The following DGKB variants were observed in gnomAD, a reference collection of about 807,000 sequenced individuals.
The protein encoded by DGKB is diacylglycerol kinase beta.
DGKB carries 67 observed loss-of-function variants against 114.3 expected under a neutral mutation model. The ratio of observed to expected loss-of-function variants is 0.59; its 90% CI spans 0.48 to 0.72. DGKB has a LOEUF of 0.72. Among genes scored for constraint, DGKB ranks in the 30% least tolerant of loss-of-function variants. DGKB has a pLI of 0.00. For synonymous variants in DGKB, 398 were observed against 323.1 expected, an observed-to-expected ratio of 1.23 and a Z score of -2.49; for missense variants, 907 against 975.2, an observed-to-expected ratio of 0.93 and a Z score of 0.93.
intron 20 of DGKB, among the ~76,000 whole-genome samples, chr7:14,506,154 T>C (rs17168232): frequency 0.033 from 5,052 of 152,214 alleles, 114 homozygotes; most frequent in Middle Eastern, 0.065. Context: ...TAACCACTCT[T>C]CCTGGTAACT....
intron 13 of DGKB, among the ~76,000 whole-genome samples, chr7:14,645,887 G>A (rs902666369): frequency 6.6e-6 from 1 of 152,080 alleles, no homozygotes; most frequent in African/African-American, 2.4e-5. Flanking sequence ...GATAACAAAT[G>A]AGAAAGACAA....
chr7:14,516,443 T>C (rs568436732), intron 20 of DGKB, among the ~76,000 whole-genome samples: 1 of 152,260 alleles, frequency 6.6e-6, no homozygotes, highest in South Asian at 2.1e-4. Context: ...TGGAATTAAG[T>C]TGAAGATCTG....
intron 25 of DGKB, among the ~76,000 whole-genome samples, chr7:14,174,818 C>T (rs1218279926): frequency 6.6e-6 from 1 of 152,118 alleles, no homozygotes; most frequent in Non-Finnish European, 1.5e-5. Context: ...TTAAAAACAA[C>T]ATTTTTAACA....
chr7:14,700,471 A>T (rs184764595), intron 7 of DGKB, among the ~76,000 whole-genome samples: 1 of 152,140 alleles, frequency 6.6e-6, no homozygotes, highest in Admixed American at 6.5e-5. Context: ...CCGTCTTGGC[A>T]TCCCAAAATG....
chr7:14,209,332 G>A, intron 23 of DGKB: 1 of 341,830 alleles, frequency 2.9e-6, no homozygotes, highest in South Asian at 2.3e-5. Context: ...TTTTCATAGA[G>A]AGATATATAC....
chr7:14,551,228 G>A (rs1584755546), intron 20 of DGKB, among the ~76,000 whole-genome samples: 1 of 152,294 alleles, frequency 6.6e-6, no homozygotes, highest in Admixed American at 6.5e-5. Context: ...TAATATATAT[G>A]TGTAGTAAAA....
intron 20 of DGKB, among the ~76,000 whole-genome samples, chr7:14,562,993 G>C (rs1203381652): frequency 6.6e-6 from 1 of 152,158 alleles, no homozygotes. Flanking sequence ...CATGTGTTGT[G>C]GGAGGGACCC....
chr7:14,769,018 T>C (rs1431078473), intron 2 of DGKB, among the ~76,000 whole-genome samples: 1 of 150,814 alleles, frequency 6.6e-6, no homozygotes, highest in Non-Finnish European at 1.5e-5. Context: ...ATTTCAGACA[T>C]TCATCTGGTA....
intron 20 of DGKB, among the ~76,000 whole-genome samples, chr7:14,524,823 C>A (rs1411590269): frequency 6.7e-6 from 1 of 150,240 alleles, no homozygotes; most frequent in Admixed American, 6.6e-5. Context: ...CACGAAAATA[C>A]TAAAAAATTA....
chr7:14,713,617 AACC>A (rs1827712079), intron 6 of DGKB, among the ~76,000 whole-genome samples: 2 of 146,368 alleles, frequency 1.4e-5, no homozygotes, highest in African/African-American at 4.9e-5. Context: ...TGTAATTAAT[AACC>A]ACCCTCTCTT....
intron 4 of DGKB, among the ~76,000 whole-genome samples, chr7:14,750,812 T>TTC (rs1834006476): frequency 7.3e-6 from 1 of 137,350 alleles, no homozygotes; most frequent in African/African-American, 2.9e-5. Flanking sequence ...TTTTTTTTTT[T>TTC]TTTTCTGAGA....
In DGKB at chr7:14,582,831, G is replaced by A. The variant is rs113879640; in HGVS notation, c.1519+221C>T. ...TCTGAAAATTTGGTAAACACTGTAA[G>A]AAGTGGATTAGAAAGGAAGGACTTC... On this transcript the variant is annotated intron_variant, in intron 18 of 25. Coordinates refer to ENST00000402815, the MANE Select transcript of DGKB (RefSeq NM_001350709.2). 2.5e-3 allele frequency among the ~76,000 whole-genome samples: 377 copies of A among 152,280 alleles called. 2 individuals carry two copies. The highest frequency in any genetic ancestry group is 8.7e-3 in the African/African-American group (362 of 41,552).
chr7:14,839,515 C>T lies in DGKB; in HGVS notation c.70+1679G>A, dbSNP rs556787961. Among the ~76,000 whole-genome samples, 72 of 151,270 alleles carry T rather than the reference C, an allele frequency of 4.8e-4. 1 individual carries two copies. Among genetic ancestry groups the T allele is most frequent in the African/African-American group, 1.7e-3 (71 of 41,178 alleles). On this transcript the variant is annotated intron_variant, in intron 2 of 25. Coordinates refer to ENST00000402815, the MANE Select transcript of DGKB (RefSeq NM_001350709.2). ...CTCCTGGGCTCCAGCAATCCTCTCA[C>T]CTCAGCCTGCCAAGTAGCTGGGACT...
At chr7:14,289,215 CG>C (rs1769050792) in intron 23 of DGKB, among the ~76,000 whole-genome samples, 1 of 150,444 alleles carries the variant, frequency 6.6e-6, no homozygotes, top group Admixed American at 6.7e-5. Context: ...ATTGGTGACT[CG>C]TGCTTGAAAA....
intron 21 of DGKB, among the ~76,000 whole-genome samples, chr7:14,457,461 A>G (rs1832443524): frequency 6.6e-6 from 1 of 152,206 alleles, no homozygotes; most frequent in South Asian, 2.1e-4. Flanking sequence ...AAAAAATAAT[A>G]TTCTTGCTAT....
At chr7:14,769,502 C>A (rs573411563) in intron 2 of DGKB, among the ~76,000 whole-genome samples, 1 of 150,812 alleles carries the variant, frequency 6.6e-6, no homozygotes, top group South Asian at 2.1e-4. Flanking sequence ...TTAACAAGCA[C>A]CATCTCATAA....
intron 23 of DGKB, among the ~76,000 whole-genome samples, chr7:14,289,744 CAA>C (rs3067647): frequency 0.084 from 10,580 of 126,630 alleles, 932 homozygotes; most frequent in African/African-American, 0.25. Flanking sequence ...AGACATGGAC[CAA>C]AAAAAAAAAA....
At position 14,519,942 on chromosome 7, in the gene DGKB, G is replaced by A. The variant is rs370738705; in HGVS notation, c.1771-41717C>T. ...TTGGAGAGAGATATTTATATAATCT[G>A]GGTTCAAGTCCTTTATCAGATATAT... On this transcript the variant is annotated intron_variant, in intron 20 of 25. Transcript: ENST00000402815. Among the ~76,000 whole-genome samples the A allele has an allele frequency of 8.6e-5, 13 of 151,724 alleles. No individual in the cohort carries two copies. The East Asian group carries it at 2.3e-3, about 27-fold the overall frequency.
At chr7:14,313,332 G>T (rs538692251) in intron 23 of DGKB, among the ~76,000 whole-genome samples, 7 of 152,036 alleles carry the variant, frequency 4.6e-5, no homozygotes, top group East Asian at 1.9e-4. Flanking sequence ...CGCAGAAGAC[G>T]GGTGATTTCT....
Sources: gnomAD v4.1 joint callset for allele counts (sites outside exome capture counted in the v4.1 genomes callset) on GRCh38, gnomAD v4.1.1 for gene constraint, MANE v1.5 for transcripts, NCBI Gene and HGNC (gene_info 2026-07-23, HGNC 2026-07-21) for gene names.